The following PFKP variants were observed in gnomAD, a reference collection of about 807,000 sequenced individuals.
PFKP encodes ATP-dependent 6-phosphofructokinase, platelet type.
Under a neutral mutation model 94.3 loss-of-function variants are expected in PFKP, and 101 were observed. The ratio of observed to expected loss-of-function variants is 1.07; its 90% CI spans 0.91 to 1.26. The LOEUF (loss-of-function observed/expected upper bound fraction) is 1.26, where lower values mean the gene tolerates loss of function less well. Ranked by LOEUF, PFKP falls within the 50% of genes most tolerant of loss-of-function variation. PFKP has a pLI of 0.00. For synonymous variants in PFKP, 573 were observed against 432.6 expected, an observed-to-expected ratio of 1.32 and a Z score of -4.03; for missense variants, 1,145 against 1,103.3, an observed-to-expected ratio of 1.04 and a Z score of -0.53.
rs1288687675 is a variant in PFKP at position 3,131,095 on chromosome 10, A to C, written c.1848+1112A>C. Among the ~76,000 whole-genome samples, 4 of 152,086 alleles carry C rather than the reference A, an allele frequency of 2.6e-5. No individual in the cohort carries two copies. In the East Asian group the frequency reaches 7.7e-4, roughly 29 times the overall value. ...CTTTTATAAAAACATATCTTTTTAC[A>C]TATATTTTTATAATATATATTTTAT... On this transcript the variant is annotated intron_variant, in intron 17 of 21. Transcript: ENST00000381125.
At chr10:3,103,740 G>A in intron 4 of PFKP, 39 bp from the exon 5 acceptor site, 7 of 1,610,282 alleles carry the variant, frequency 4.3e-6, no homozygotes, top group Non-Finnish European at 5.1e-6. Flanking sequence ...AACGCGCCAT[G>A]GTTACGGCGA....
chr10:3,089,078 CCCA>C (rs1369188363), intron 2 of PFKP, among the ~76,000 whole-genome samples: 2 of 152,140 alleles, frequency 1.3e-5, no homozygotes, highest in East Asian at 3.9e-4. Flanking sequence ...ATTACAGGCA[CCCA>C]CCACCACGCC....
At chr10:3,135,957 AGCTCAGTT>A in intron 21 of PFKP, 119 bp downstream of exon 21, 1 of 666,714 alleles carries the variant, frequency 1.5e-6, no homozygotes, top group Non-Finnish European at 2.7e-6. Context: ...GCTTTTCTGA[AGCTCAGTT>A]AAAAAAATAC....
chr10:3,083,663 GA>G (rs1285331621), intron 2 of PFKP, among the ~76,000 whole-genome samples: 1 of 151,550 alleles, frequency 6.6e-6, no homozygotes, highest in African/African-American at 2.4e-5. Flanking sequence ...TTTTTTTTGA[GA>G]AAAATCTCAC....
At chr10:3,067,751 G>A in intron 1 of PFKP, 44 bp downstream of exon 1, 1 of 1,085,056 alleles carries the variant, frequency 9.2e-7, no homozygotes, top group African/African-American at 1.6e-5. Context: ...CGGACGGACG[G>A]AGCTGGGGAG....
intron 19 of PFKP, 37 bp downstream of exon 19, chr10:3,133,351 T>G: frequency 6.5e-6 from 8 of 1,239,952 alleles, no homozygotes; most frequent in Non-Finnish European, 9.5e-6. Flanking sequence ...ACAAAGCCCC[T>G]GTCATGTGAC....
chr10:3,132,485 A>G (rs752886793), intron 18 of PFKP, 44 bp downstream of exon 18: 1 of 1,353,838 alleles, frequency 7.4e-7, no homozygotes, highest in East Asian at 2.3e-5. Context: ...TCACCGCCAC[A>G]CCCTGGTTCT....
At chr10:3,102,814 C>T (rs1256822617) in intron 4 of PFKP, among the ~76,000 whole-genome samples, 1 of 152,198 alleles carries the variant, frequency 6.6e-6, no homozygotes, top group Non-Finnish European at 1.5e-5. Context: ...AGCAGCTGTC[C>T]CCAGGTTTGT....
chr10:3,100,878 A>AAAAAAAAAAAAAAAAAAAC (rs1834931854), intron 3 of PFKP: 1 of 1,171,928 alleles, frequency 8.5e-7, no homozygotes, highest in Non-Finnish European at 1.2e-6. Context: ...AAAAAAAAAA[A>AAAAAAAAAAAAAAAAAAAC]AAAATCCCCC....
intron 5 of PFKP, 167 bp from the exon 6 acceptor site, chr10:3,104,948 G>T: frequency 1.4e-6 from 1 of 698,922 alleles, no homozygotes. Context: ...TGCCTTAGTA[G>T]AAAATGGACC....
intron 6 of PFKP, 27 bp from the exon 7 acceptor site, chr10:3,105,366 G>A: frequency 6.3e-7 from 1 of 1,575,012 alleles, no homozygotes; most frequent in Non-Finnish European, 8.7e-7. Context: ...CTTCTGGGGT[G>A]TTGATGCTGT....
chr10:3,111,387 A>G (rs929028619), intron 10 of PFKP, among the ~76,000 whole-genome samples: 1 of 152,178 alleles, frequency 6.6e-6, no homozygotes, highest in Non-Finnish European at 1.5e-5. Flanking sequence ...TGTGAGAGGC[A>G]GTAGGCTTAA....
rs766924656 is a variant in PFKP, at chr10:3,133,266, C to G, written c.1974C>G (p.Gly658=). ...TTTACCAGCTGTATTCAGAAGAGGGCAAAGGCGTGTTTGACTGCAGGAAGA... is the reference window on the plus strand; with the variant it reads ...TTTACCAGCTGTATTCAGAAGAGGGGAAAGGCGTGTTTGACTGCAGGAAGA... ...DFIYQLYSEE[G]KGVFDCRKNV... is the part of the protein sequence containing the mutation. Residue 658 remains glycine, a synonymous_variant, in exon 19 of 22, where the codon GGC becomes GGG. Transcript: ENST00000381125. 5.1e-5 allele frequency: 82 copies of G among 1,613,980 alleles called. No homozygotes were observed. Among genetic ancestry groups the G allele is most frequent in the East Asian group, 2.2e-5 (1 of 44,902 alleles).
In PFKP at chr10:3,104,010, C is replaced by T. The variant is rs190657229; in HGVS notation, c.620+66C>T. 4,082 of 1,473,466 alleles carry T rather than the reference C, an allele frequency of 2.8e-3. 19 individuals are homozygous for T. The highest frequency in any genetic ancestry group is 9.8e-3 in the Middle Eastern group (56 of 5,694). The allele number at this position is 1,473,466 out of a possible 1,614,324, so 91.3% of individuals were successfully genotyped here. ...CGACGTGTGCCCAGCTCAGACGTTACCACGGGCTCTAGAACATTCTGCAGA... is the reference window on the plus strand; with the variant it reads ...CGACGTGTGCCCAGCTCAGACGTTATCACGGGCTCTAGAACATTCTGCAGA... On this transcript the variant is annotated intron_variant, in intron 5 of 21. Coordinates refer to ENST00000381125, the MANE Select transcript of PFKP (RefSeq NM_002627.5).
intron 16 of PFKP, among the ~76,000 whole-genome samples, chr10:3,122,485 GAGA>G (rs1235244823): frequency 2.6e-5 from 4 of 152,214 alleles, no homozygotes; most frequent in Non-Finnish European, 2.9e-5. Context: ...TGTGAATCCT[GAGA>G]AGGTTTGGAT....
intron 9 of PFKP, 67 bp downstream of exon 9, chr10:3,108,860 G>T (rs1020518150): frequency 7.9e-6 from 9 of 1,136,988 alleles, no homozygotes; most frequent in African/African-American, 1.5e-5. Flanking sequence ...AGAGGCACAG[G>T]CACCAGCCGG....
Position 3,135,825 on chromosome 10 carries a change from C to G in PFKP, c.2212C>G (p.Gln738Glu). Residue 738 changes from glutamine to glutamate, a missense_variant, in exon 21 of 22, where the codon CAA becomes GAA. Coordinates refer to ENST00000381125, the MANE Select transcript of PFKP (RefSeq NM_002627.5). ...IFQPVAELKK[Q>E]TDFEHRIPKE... ...TCAACCTGTGGCAGAGCTGAAGAAG[C>G]AAACGGATTTTGAGTAAGTTGGCTG... 6.2e-7 allele frequency: 1 copy of G among 1,610,590 alleles called. No homozygotes were observed. The highest frequency in any genetic ancestry group is 1.1e-5 in the South Asian group (1 of 90,970).
chr10:3,120,318 T>A (rs113303681), intron 16 of PFKP, among the ~76,000 whole-genome samples: 2,899 of 152,080 alleles, frequency 0.019, 72 homozygotes, highest in African/African-American at 0.065. Flanking sequence ...CCCGAGGCGC[T>A]GAGGAGGGCT....
intron 2 of PFKP, among the ~76,000 whole-genome samples, chr10:3,082,694 G>C (rs965334860): frequency 1.3e-5 from 2 of 152,176 alleles, no homozygotes; most frequent in Non-Finnish European, 2.9e-5. Context: ...AAGGAGATGA[G>C]AGGGAGCCCA....
Sources: allele counts gnomAD v4.1 joint callset (sites outside exome capture counted in the v4.1 genomes callset), GRCh38; gene constraint gnomAD v4.1.1; transcripts MANE v1.5; gene names NCBI Gene and HGNC (gene_info 2026-07-23, HGNC 2026-07-21).